The following SH3GL2 variants were observed in gnomAD, a reference collection of about 807,000 sequenced individuals.
SH3GL2 encodes SH3 domain containing GRB2 like 2, endophilin A1.
In SH3GL2, 24 loss-of-function variants were observed where a neutral mutation model predicts 46.0. The ratio of observed to expected loss-of-function variants is 0.52; its 90% confidence interval spans 0.38 to 0.73. The LOEUF (loss-of-function observed/expected upper bound fraction) is 0.73. Among genes scored for constraint, SH3GL2 ranks in the 30% least tolerant of loss-of-function variants. The pLI is 0.00. For synonymous variants in SH3GL2, 196 were observed against 147.1 expected, an observed-to-expected ratio of 1.33 and a Z score of -2.40; for missense variants, 413 against 424.2, an observed-to-expected ratio of 0.97 and a Z score of 0.23.
intron 2 of SH3GL2, among the ~76,000 whole-genome samples, chr9:17,752,965 G>A (rs1004104455): frequency 1.1e-4 from 17 of 152,054 alleles, no homozygotes; most frequent in African/African-American, 4.1e-4. Flanking sequence ...GTGGTATTTG[G>A]TTGTCTCTTC....
chr9:17,622,355 C>T (rs775062942), intron 1 of SH3GL2, among the ~76,000 whole-genome samples: 1 of 152,112 alleles, frequency 6.6e-6, no homozygotes, highest in Non-Finnish European at 1.5e-5. Flanking sequence ...AATTTTTAGT[C>T]AGAAACCTGC....
intron 1 of SH3GL2, among the ~76,000 whole-genome samples, chr9:17,648,286 C>T (rs1819875619): frequency 6.6e-6 from 1 of 152,066 alleles, no homozygotes; most frequent in Non-Finnish European, 1.5e-5. Flanking sequence ...GGGAAAAGAA[C>T]ATGATCAAGA....
At chr9:17,664,776 C>T (rs74733680) in intron 1 of SH3GL2, among the ~76,000 whole-genome samples, 2,710 of 151,708 alleles carry the variant, frequency 0.018, 88 homozygotes, top group African/African-American at 0.063. Flanking sequence ...CAGCCACTTT[C>T]ATGTATAATC....
At chr9:17,608,883 G>T (rs1388375712) in intron 1 of SH3GL2, among the ~76,000 whole-genome samples, 1 of 152,208 alleles carries the variant, frequency 6.6e-6, no homozygotes, top group Non-Finnish European at 1.5e-5. Context: ...TTCAGTGCAG[G>T]TGGCTGCATT....
chr9:17,753,168 CAT>C (rs1303345886), intron 2 of SH3GL2, among the ~76,000 whole-genome samples: 11 of 152,116 alleles, frequency 7.2e-5, no homozygotes, highest in Non-Finnish European at 1.3e-4. Flanking sequence ...GCAGTGAACA[CAT>C]GTGTGCATGT....
At chr9:17,681,656 G>A (rs1820770149) in intron 1 of SH3GL2, among the ~76,000 whole-genome samples, 1 of 152,090 alleles carries the variant, frequency 6.6e-6, no homozygotes, top group South Asian at 2.1e-4. Flanking sequence ...AAGACTTCAT[G>A]ACAAAAATGC....
chr9:17,711,783 C>T (rs931848051), intron 1 of SH3GL2, among the ~76,000 whole-genome samples: 1 of 151,724 alleles, frequency 6.6e-6, no homozygotes, highest in African/African-American at 2.4e-5. Context: ...TATTCTTGTA[C>T]AAGACATATT....
At chr9:17,675,515 G>T (rs1361425493) in intron 1 of SH3GL2, among the ~76,000 whole-genome samples, 1 of 152,198 alleles carries the variant, frequency 6.6e-6, no homozygotes, top group Non-Finnish European at 1.5e-5. Context: ...AACTCTTTAA[G>T]TTGTACAGAA....
chr9:17,768,594 C>T lies in SH3GL2; in HGVS notation c.187+7085C>T, dbSNP rs373198022. Reference sequence around the variant, plus strand: ...CTGTCTCTCCTAGTTCCTTCTCCCTCTTGTTCACTCTGTGGCCTTTAGTTT... The same window carrying T: ...CTGTCTCTCCTAGTTCCTTCTCCCTTTTGTTCACTCTGTGGCCTTTAGTTT... On this transcript the variant is annotated intron_variant, in intron 3 of 8. Transcript: ENST00000380607. Among the ~76,000 whole-genome samples, 54 of 152,174 alleles carry T rather than the reference C, an allele frequency of 3.5e-4. 2 individuals carry two copies. In the East Asian group the frequency reaches 0.01, roughly 28 times the overall value.
intron 1 of SH3GL2, among the ~76,000 whole-genome samples, chr9:17,668,425 G>A (rs1820395320): frequency 6.6e-6 from 1 of 152,094 alleles, no homozygotes; most frequent in South Asian, 2.1e-4. Flanking sequence ...ACAATCAGAT[G>A]CCCAAAAATT....
At chr9:17,621,911 G>T (rs1588180135) in intron 1 of SH3GL2, among the ~76,000 whole-genome samples, 1 of 152,160 alleles carries the variant, frequency 6.6e-6, no homozygotes, top group African/African-American at 2.4e-5. Flanking sequence ...CAATAAAAAT[G>T]TTGCTCTACA....
intron 1 of SH3GL2, among the ~76,000 whole-genome samples, chr9:17,628,243 A>G (rs182007640): frequency 2.0e-4 from 30 of 152,322 alleles, no homozygotes; most frequent in Admixed American, 1.8e-3. Flanking sequence ...TTCATGAAGT[A>G]TCTAACTCTT....
At chr9:17,643,973 T>G (rs562554650) in intron 1 of SH3GL2, among the ~76,000 whole-genome samples, 2 of 152,316 alleles carry the variant, frequency 1.3e-5, no homozygotes, top group Admixed American at 6.5e-5. Context: ...GGGCTTTTCT[T>G]TGGTTGGTAG....
At chr9:17,724,599 G>A (rs1481056435) in intron 1 of SH3GL2, among the ~76,000 whole-genome samples, 2 of 152,084 alleles carry the variant, frequency 1.3e-5, no homozygotes, top group African/African-American at 4.8e-5. Flanking sequence ...ATGCATGTGT[G>A]TGTATGTGTT....
intron 7 of SH3GL2, 57 bp from the exon 8 acceptor site, chr9:17,793,310 T>C: frequency 6.7e-7 from 1 of 1,492,838 alleles, no homozygotes; most frequent in Non-Finnish European, 9.2e-7. Context: ...TATTTGCTTT[T>C]CATTTTACTT....
At position 17,791,326 on chromosome 9, in the gene SH3GL2, G is replaced by A. The variant is rs1359750227; in HGVS notation, c.720G>A (p.Leu240=). 1 of 1,603,574 alleles carries A rather than the reference G, an allele frequency of 6.2e-7. No homozygotes were observed. Among genetic ancestry groups the A allele is most frequent in the Non-Finnish European group, 8.5e-7 (1 of 1,170,380 alleles). The change falls in exon 7 of 9, where the codon CTG becomes CTA. Residue 240 remains leucine (L), a synonymous_variant. Transcript: ENST00000380607. ...TCCTGCAGCAAGTCACGGTCAGACT[G>A]GAAGAAAGGTATTCTACAGTTCCCT... ...VQILQQVTVR[L]EERIRQASSQ... is the part of the protein sequence containing the mutation.
At chr9:17,733,512 A>G (rs1323702489) in intron 1 of SH3GL2, among the ~76,000 whole-genome samples, 3 of 151,104 alleles carry the variant, frequency 2.0e-5, no homozygotes, top group Non-Finnish European at 4.4e-5. Flanking sequence ...ACACTTTTAC[A>G]CTGTTGGTGG....
chr9:17,677,725 A>G (rs7861492), intron 1 of SH3GL2, among the ~76,000 whole-genome samples: 50,076 of 151,574 alleles, frequency 0.33, 8,612 homozygotes, highest in East Asian at 0.53. Context: ...GGTGTGCTGC[A>G]CCCATTAACT....
chr9:17,592,173 G>A (rs1283531828), intron 1 of SH3GL2, among the ~76,000 whole-genome samples: 1 of 152,196 alleles, frequency 6.6e-6, no homozygotes, highest in Non-Finnish European at 1.5e-5. Flanking sequence ...CAAGAATTTG[G>A]AATTCTGATG....
Sources: gnomAD v4.1 joint callset for allele counts (sites outside exome capture counted in the v4.1 genomes callset) on GRCh38, gnomAD v4.1.1 for gene constraint, MANE v1.5 for transcripts, NCBI Gene and HGNC (gene_info 2026-07-23, HGNC 2026-07-21) for gene names.